FAM107B: variants seen among roughly 807,000 people sequenced by gnomAD.
FAM107B encodes family with sequence similarity 107 member B, also known as protein FAM107B.
A neutral mutation model predicts 31.5 loss-of-function variants in FAM107B; 21 were observed. The ratio of observed to expected loss-of-function variants is 0.67; its 90% CI spans 0.47 to 0.96. The LOEUF is 0.96. Among genes scored for constraint, FAM107B ranks in the 40% least tolerant of loss-of-function variants. The probability of loss-of-function intolerance (pLI) is 0.00; values close to 1 mark genes in which losing one functional copy is unlikely to be tolerated. For missense variants in FAM107B, 452 were observed against 377.1 expected, an observed-to-expected ratio of 1.20 and a Z score of -1.64; for synonymous variants, 157 against 141.5, an observed-to-expected ratio of 1.11 and a Z score of -0.78.
chr10:14,764,939 G>T (rs1366365121), intron 1 of FAM107B, among the ~76,000 whole-genome samples: 3 of 152,210 alleles, frequency 2.0e-5, no homozygotes, highest in Admixed American at 1.3e-4. Context: ...CTTTGGGTAG[G>T]CACTCTAGGC....
intron 1 of FAM107B, among the ~76,000 whole-genome samples, chr10:14,771,633 A>T (rs376802627): frequency 0.01 from 1,511 of 150,678 alleles, 12 homozygotes; most frequent in African/African-American, 0.035. Flanking sequence ...AAAATAAATT[A>T]AAAAACAAAT....
chr10:14,715,644 T>C (rs1029037348), intron 1 of FAM107B, among the ~76,000 whole-genome samples: 1 of 152,210 alleles, frequency 6.6e-6, no homozygotes, highest in African/African-American at 2.4e-5. Flanking sequence ...ATTCAATCTA[T>C]TGAGGGCGTG....
intron 3 of FAM107B, among the ~76,000 whole-genome samples, chr10:14,525,862 G>A (rs1262028881): frequency 1.3e-5 from 2 of 152,146 alleles, no homozygotes; most frequent in Non-Finnish European, 2.9e-5. Flanking sequence ...CCTACAAAAA[G>A]GCTGCAATGA....
intron 2 of FAM107B, among the ~76,000 whole-genome samples, chr10:14,572,921 A>G (rs1851330738): frequency 6.6e-6 from 1 of 151,680 alleles, no homozygotes; most frequent in African/African-American, 2.4e-5. Context: ...CCTCTAAAAC[A>G]AGGAGTTTCC....
chr10:14,574,059 C>T (rs1350675913), intron 2 of FAM107B, among the ~76,000 whole-genome samples: 1 of 152,274 alleles, frequency 6.6e-6, no homozygotes, highest in East Asian at 1.9e-4. Context: ...GTTCAGCTTC[C>T]AAGCTCTGCT....
In FAM107B at chr10:14,726,881, T is replaced by C. The variant is rs1588734981; in HGVS notation, c.411+47372A>G. Among the ~76,000 whole-genome samples the C allele has an allele frequency of 2.0e-5, 3 of 152,290 alleles. No homozygotes were observed. In the South Asian group the frequency reaches 6.2e-4, roughly 32 times the overall value. ...TGCATTACATTTATTGTGCACTTTA[T>C]TTCTATTATTATTACATTGTAATAT... is the stretch of plus-strand genomic sequence containing the variant. On this transcript the variant is annotated intron_variant, in intron 1 of 4. Coordinates refer to ENST00000181796, the MANE Select transcript of FAM107B (RefSeq NM_031453.4).
intron 1 of FAM107B, among the ~76,000 whole-genome samples, chr10:14,713,290 T>C (rs1304111987): frequency 1.3e-5 from 2 of 152,184 alleles, no homozygotes; most frequent in African/African-American, 4.8e-5. Flanking sequence ...TATCACAGCA[T>C]GGATAATGTT....
At chr10:14,714,261 T>C (rs979761876) in intron 1 of FAM107B, among the ~76,000 whole-genome samples, 2 of 152,178 alleles carry the variant, frequency 1.3e-5, no homozygotes, top group African/African-American at 4.8e-5. Context: ...GGAGTAGCAT[T>C]GCTGGTAGGA....
chr10:14,698,608 C>T (rs764564701), intron 1 of FAM107B, among the ~76,000 whole-genome samples: 8 of 152,274 alleles, frequency 5.3e-5, no homozygotes, highest in Non-Finnish European at 1.0e-4. Flanking sequence ...GTGGACATGC[C>T]GGGGCTCAAA....
chr10:14,695,365 T>C (rs1183767276), intron 1 of FAM107B, among the ~76,000 whole-genome samples: 1 of 152,234 alleles, frequency 6.6e-6, no homozygotes, highest in African/African-American at 2.4e-5. Context: ...TGTGTGTCTA[T>C]GTTTATGCCA....
At chr10:14,662,378 C>CTG (rs372383515) in intron 2 of FAM107B, among the ~76,000 whole-genome samples, 21,296 of 139,658 alleles carry the variant, frequency 0.15, 1,985 homozygotes, top group South Asian at 0.28. Flanking sequence ...TCTGACCTGT[C>CTG]TTTTTTTTTT....
At chr10:14,579,792 A>C (rs574317331) in intron 2 of FAM107B, among the ~76,000 whole-genome samples, 34 of 152,242 alleles carry the variant, frequency 2.2e-4, no homozygotes, top group Admixed American at 2.1e-3. Flanking sequence ...TGGGAGGCTG[A>C]GGACAGATCA....
intron 2 of FAM107B, among the ~76,000 whole-genome samples, chr10:14,593,991 T>C (rs1267668290): frequency 2.6e-5 from 4 of 152,234 alleles, no homozygotes; most frequent in Non-Finnish European, 5.9e-5. Context: ...CATTCATTAA[T>C]AGGGTAACAG....
chr10:14,597,589 A>T (rs1406615975), intron 2 of FAM107B, among the ~76,000 whole-genome samples: 1 of 152,182 alleles, frequency 6.6e-6, no homozygotes, highest in Admixed American at 6.5e-5. Context: ...GACAAGGGAC[A>T]AAGCTCCCAT....
At chr10:14,662,708 A>T (rs145421676) in intron 2 of FAM107B, among the ~76,000 whole-genome samples, 111 of 152,332 alleles carry the variant, frequency 7.3e-4, no homozygotes, top group Admixed American at 3.7e-3. Flanking sequence ...GAGAGAGGTG[A>T]CACAGTGCAC....
intron 2 of FAM107B, among the ~76,000 whole-genome samples, chr10:14,569,426 T>C (rs1383246555): frequency 6.6e-6 from 1 of 151,502 alleles, no homozygotes; most frequent in African/African-American, 2.4e-5. Flanking sequence ...CATGCATGCA[T>C]GCACACATGT....
intron 2 of FAM107B, among the ~76,000 whole-genome samples, chr10:14,565,339 T>C (rs932271833): frequency 6.6e-6 from 1 of 152,016 alleles, no homozygotes; most frequent in Non-Finnish European, 1.5e-5. Context: ...GAGCATTTGA[T>C]GAAATGCAGT....
chr10:14,622,414 C>T (rs1291887986), intron 2 of FAM107B, among the ~76,000 whole-genome samples: 1 of 150,318 alleles, frequency 6.7e-6, no homozygotes, highest in African/African-American at 2.5e-5. Flanking sequence ...TTCAGAGATT[C>T]TCCTGCCTCA....
At chr10:14,575,192 A>G (rs1851425231) in intron 2 of FAM107B, among the ~76,000 whole-genome samples, 1 of 148,642 alleles carries the variant, frequency 6.7e-6, no homozygotes, top group Admixed American at 6.7e-5. Context: ...CACACGCTAA[A>G]GAAGCTTTTT....
Sources: allele counts gnomAD v4.1 joint callset (sites outside exome capture counted in the v4.1 genomes callset), GRCh38; gene constraint gnomAD v4.1.1; transcripts MANE v1.5; gene names NCBI Gene and HGNC (gene_info 2026-07-23, HGNC 2026-07-21).